Variants in NHERF2 observed in about 807,000 individuals in gnomAD.
The protein encoded by NHERF2 is NHERF family PDZ scaffold protein 2, also known as Na(+)/H(+) exchange regulatory cofactor NHE-RF2.
At chr16:2,036,421 G>T in the NHERF2 span, 1 of 1,607,456 alleles carries the variant, frequency 6.2e-7, no homozygotes, top group Non-Finnish European at 8.5e-7. Context: ...GACAAGTCCC[G>T]GCCCGGCCAG....
the NHERF2 span, chr16:2,036,269 C>T: frequency 6.6e-7 from 1 of 1,517,666 alleles, no homozygotes; most frequent in Non-Finnish European, 8.9e-7. Context: ...CGGGGAGTGG[C>T]CTCTGGAGGC....
the NHERF2 span, chr16:2,033,577 G>A: frequency 1.1e-6 from 1 of 895,288 alleles, no homozygotes; most frequent in East Asian, 2.7e-5. Flanking sequence ...CAGGGCTGGT[G>A]CGTCACCATC....
At chr16:2,034,122 C>T in the NHERF2 span, among the ~76,000 whole-genome samples, 7 of 152,282 alleles carry the variant, frequency 4.6e-5, 1 homozygote, top group South Asian at 4.1e-4. Flanking sequence ...CCCCGCAGGC[C>T]GCTGTGCAGG....
the NHERF2 span, chr16:2,037,452 G>T: frequency 3.1e-6 from 3 of 959,454 alleles, no homozygotes; most frequent in Non-Finnish European, 4.6e-6. Context: ...AGCACACACT[G>T]GGGGGGGGTG....
the NHERF2 span, chr16:2,033,238 G>A: frequency 3.2e-5 from 48 of 1,511,810 alleles, no homozygotes; most frequent in South Asian, 4.6e-4. Context: ...ACCCATCCCC[G>A]GGGAGCCAGG....
chr16:2,037,817 T>C, the NHERF2 span: 1 of 1,580,184 alleles, frequency 6.3e-7, no homozygotes, highest in Non-Finnish European at 8.6e-7. Context: ...CCCACCGTGC[T>C]CACCCCAGGA....
At chr16:2,036,560 G>T in the NHERF2 span, 3 of 1,534,028 alleles carry the variant, frequency 2.0e-6, no homozygotes, top group East Asian at 2.4e-5. Context: ...CCACACTGGG[G>T]CCCTGGGTCC....
chr16:2,034,039 G>C, the NHERF2 span, among the ~76,000 whole-genome samples: 1 of 152,172 alleles, frequency 6.6e-6, no homozygotes, highest in East Asian at 1.9e-4. Flanking sequence ...ACACTGAGGG[G>C]TCCTTGGCCT....
At chr16:2,027,333 T>G in the NHERF2 span, 11 of 493,888 alleles carry the variant, frequency 2.2e-5, no homozygotes, top group East Asian at 4.7e-5. Context: ...ACGCGGACGT[T>G]GTCGGGAGGC....
the NHERF2 span, chr16:2,037,680 C>T: frequency 1.2e-5 from 19 of 1,566,488 alleles, no homozygotes; most frequent in Admixed American, 7.6e-5. Flanking sequence ...GATGTCAGCC[C>T]GGGCAGTGGG....
the NHERF2 span, chr16:2,036,171 G>A: frequency 2.8e-6 from 2 of 722,654 alleles, no homozygotes; most frequent in Non-Finnish European, 4.4e-6. Context: ...TCTGTCACAG[G>A]CAGCCTGGGT....
the NHERF2 span, chr16:2,032,781 G>A: frequency 7.0e-6 from 7 of 993,112 alleles, no homozygotes; most frequent in South Asian, 4.5e-5. This position sits in a 1 kb window ranked among gnomAD's most constrained non-coding sequence, Gnocchi z 4.0. Context: ...AGTGACGACA[G>A]GGGACAGCCC....
the NHERF2 span, chr16:2,032,952 T>TATCATTAAAAAA: frequency 9.3e-7 from 1 of 1,076,800 alleles, no homozygotes; most frequent in Admixed American, 5.2e-5. This position sits in a 1 kb window ranked among gnomAD's most constrained non-coding sequence, Gnocchi z 4.0. Context: ...GAGGCGGCTG[T>TATCATTAAAAAA]GTGGTTGGGG....
the NHERF2 span, chr16:2,027,146 C>A: frequency 2.7e-6 from 4 of 1,474,790 alleles, no homozygotes; most frequent in Non-Finnish European, 2.7e-6. Context: ...CCGCCGAGGC[C>A]GCCGCGCTGC....
the NHERF2 span, chr16:2,027,310 T>C: frequency 4.4e-6 from 3 of 688,748 alleles, no homozygotes; most frequent in African/African-American, 1.9e-5. Flanking sequence ...CCGAGGGGGC[T>C]CCCGCGGGGA....
the NHERF2 span, chr16:2,029,822 C>T: frequency 6.8e-7 from 1 of 1,476,232 alleles, no homozygotes; most frequent in South Asian, 1.2e-5. Context: ...CCTAGCCTCT[C>T]CCAGAGGCTC....
the NHERF2 span, chr16:2,027,198 G>A: frequency 7.0e-7 from 1 of 1,433,304 alleles, no homozygotes; most frequent in Non-Finnish European, 9.1e-7. Flanking sequence ...CGTCAACGTG[G>A]AGGGCGAGAC....
chr16:2,033,784 A>G, the NHERF2 span, among the ~76,000 whole-genome samples: 1 of 151,992 alleles, frequency 6.6e-6, no homozygotes, highest in Non-Finnish European at 1.5e-5. Flanking sequence ...GTGAGCTATG[A>G]ACGCCGCCCG....
chr16:2,036,355 C>T, the NHERF2 span: 25 of 1,610,612 alleles, frequency 1.6e-5, no homozygotes, highest in Non-Finnish European at 2.0e-5. Flanking sequence ...GAGCTGCGCC[C>T]TCGGCTCTGC....
Sources: gnomAD v4.1 joint callset for allele counts (sites outside exome capture counted in the v4.1 genomes callset) on GRCh38, gnomAD v4.1.1 for gene constraint, Gnocchi (gnomAD v3.1) non-coding constraint, MANE v1.5 for transcripts, NCBI Gene and HGNC (gene_info 2026-07-23, HGNC 2026-07-21) for gene names.